Variants in SSBP2 observed in about 807,000 individuals in gnomAD.
The protein encoded by SSBP2 is single-stranded DNA-binding protein 2.
A neutral mutation model predicts 61.8 loss-of-function variants in SSBP2; 17 were observed. The ratio of observed to expected loss-of-function variants is 0.28; its 90% CI spans 0.19 to 0.41. The LOEUF (loss-of-function observed/expected upper bound fraction) is 0.41. Among genes scored for constraint, SSBP2 ranks in the 10% least tolerant of loss-of-function variants. The pLI, the probability that SSBP2 is intolerant of heterozygous loss-of-function variation, is 1.00. For synonymous variants in SSBP2, 139 were observed against 141.3 expected (o/e 0.98, Z 0.12); for missense variants, 310 against 458.7 (o/e 0.68, Z 2.96).
intron 4 of SSBP2, among the ~76,000 whole-genome samples, chr5:81,589,869 G>GAGAGCA (rs1309778998): frequency 2.6e-5 from 4 of 151,978 alleles, no homozygotes; most frequent in Non-Finnish European, 4.4e-5. Context: ...AAGAGGGTGA[G>GAGAGCA]AGAGGGAGAG....
At position 81,467,048 on chromosome 5, in the gene SSBP2, T is replaced by A; in HGVS notation, c.571-7A>T. 1.2e-6 allele frequency: 2 copies of A among 1,607,736 alleles called. No homozygotes were observed. The highest frequency in any genetic ancestry group is 1.7e-6 in the Non-Finnish European group (2 of 1,176,056). The stretch of plus-strand genomic sequence containing the variant: ...TCATTGCACCTCCATAGTTCTGTAA[T>A]GATAACCAAGGGTCAGACTACCACA... On this transcript the variant is annotated splice_polypyrimidine_tract_variant and splice_region_variant and intron_variant, in intron 8 of 16. Coordinates refer to ENST00000320672, the MANE Select transcript of SSBP2 (RefSeq NM_012446.5).
intron 5 of SSBP2, among the ~76,000 whole-genome samples, chr5:81,508,378 CAAGTA>C (rs1254334224): frequency 6.6e-6 from 1 of 152,200 alleles, no homozygotes; most frequent in East Asian, 1.9e-4. Context: ...AAACAGACTC[CAAGTA>C]AATAACTACA....
intron 6 of SSBP2, among the ~76,000 whole-genome samples, chr5:81,485,243 C>T (rs1259581873): frequency 1.3e-5 from 2 of 152,054 alleles, no homozygotes; most frequent in African/African-American, 2.4e-5. Flanking sequence ...TTTCATGTTT[C>T]GTCATATATA....
In SSBP2 at chr5:81,663,941, T is replaced by C. The variant is rs533069412; in HGVS notation, c.63-13602A>G. Among the ~76,000 whole-genome samples, 6 of 152,282 alleles carry C rather than the reference T, an allele frequency of 3.9e-5. No individual in the cohort carries two copies. In the East Asian group the frequency reaches 9.7e-4, roughly 25 times the overall value. ...AGGCATGCAAATTAATGCATCCCCA[T>C]TTGTAATTTTAAAATTCTTTGAGTT... is the stretch of plus-strand genomic sequence containing the variant. On this transcript the variant is annotated intron_variant, in intron 1 of 16. Coordinates refer to ENST00000320672, the MANE Select transcript of SSBP2 (RefSeq NM_012446.5).
intron 6 of SSBP2, among the ~76,000 whole-genome samples, chr5:81,475,455 T>C (rs1273287237): frequency 6.6e-6 from 1 of 152,124 alleles, no homozygotes; most frequent in Admixed American, 6.5e-5. Context: ...TCCCAAGTCA[T>C]TTTTGTAGTT....
At chr5:81,660,459 A>T (rs375948589) in intron 1 of SSBP2, among the ~76,000 whole-genome samples, 1 of 152,238 alleles carries the variant, frequency 6.6e-6, no homozygotes, top group Admixed American at 6.5e-5. Flanking sequence ...ACAATGAGAT[A>T]CCATCTCATA....
intron 4 of SSBP2, among the ~76,000 whole-genome samples, chr5:81,589,366 A>G (rs1308984026): frequency 1.3e-5 from 2 of 152,254 alleles, no homozygotes; most frequent in African/African-American, 4.8e-5. Flanking sequence ...AAGAGACTTT[A>G]AAACCAATAA....
rs533713051 is a variant in SSBP2, at chr5:81,638,584, AT to A, written c.136-1967del. ...TGCCTGGTAACTGTTAGGTGCTATT[AT>A]TTTTTTTTTCTTTTACCTAGGAGGG... On this transcript the variant is annotated intron_variant, in intron 2 of 16. Transcript: ENST00000320672. Among the ~76,000 whole-genome samples the A allele has an allele frequency of 3.8e-3, 564 of 148,656 alleles. 1 individual carries two copies. The highest frequency in any genetic ancestry group is 5.7e-3 in the South Asian group (27 of 4,702).
chr5:81,615,772 A>T (rs539419394), intron 3 of SSBP2, among the ~76,000 whole-genome samples: 2 of 152,074 alleles, frequency 1.3e-5, no homozygotes, highest in African/African-American at 2.4e-5. Context: ...AGACTTTTAT[A>T]AAAAAAAATT....
chr5:81,610,053 C>T (rs1467886275), intron 4 of SSBP2, among the ~76,000 whole-genome samples: 1 of 152,148 alleles, frequency 6.6e-6, no homozygotes, highest in Non-Finnish European at 1.5e-5. Context: ...GGATGCGGGA[C>T]AAGAACTCAA....
rs752561582 is a variant in SSBP2, at chr5:81,607,913, G to T, written c.282+7560C>A. ...GAAACAGTGAACAGCTTTGGGAAATGTACTGGGTTACAGAACATAACAGTT... is the reference window on the plus strand; with the variant it reads ...GAAACAGTGAACAGCTTTGGGAAATTTACTGGGTTACAGAACATAACAGTT... On this transcript the variant is annotated intron_variant, in intron 4 of 16. Coordinates refer to ENST00000320672, the MANE Select transcript of SSBP2 (RefSeq NM_012446.5). 2.6e-5 allele frequency among the ~76,000 whole-genome samples: 4 copies of T among 152,146 alleles called. No individual in the cohort carries two copies. The East Asian group carries it at 7.7e-4, about 29-fold the overall frequency.
intron 1 of SSBP2, among the ~76,000 whole-genome samples, chr5:81,701,149 G>C (rs1753957227): frequency 6.6e-6 from 1 of 152,092 alleles, no homozygotes; most frequent in Admixed American, 6.6e-5. Context: ...CCTTTCACTT[G>C]AACACTTAGA....
chr5:81,414,930 A>G lies in SSBP2; in HGVS notation c.*5574T>C, dbSNP rs1240113626. ...CAAACTTCATATTACTATTCCCAAC[A>G]CACACACACAGGTACACGCAACATA... On this transcript the variant is annotated 3_prime_UTR_variant, in exon 17 of 17. Transcript: ENST00000320672. 2.6e-5 allele frequency: 4 copies of G among 152,114 alleles called. No homozygotes were observed. The highest frequency in any genetic ancestry group is 5.9e-5 in the Non-Finnish European group (4 of 67,998). 9.4% of individuals were successfully genotyped at this position (152,114 alleles called of 1,614,324 possible). A position where few individuals can be genotyped will look rare whatever the true frequency, so the allele number is the denominator to read the frequency against.
chr5:81,537,590 T>A (rs1277697164), intron 4 of SSBP2, among the ~76,000 whole-genome samples: 4 of 152,184 alleles, frequency 2.6e-5, no homozygotes, highest in Non-Finnish European at 5.9e-5. Context: ...CAAGTCTCCA[T>A]TCATCATTTA....
chr5:81,496,186 CT>C (rs963017663), intron 5 of SSBP2, among the ~76,000 whole-genome samples: 15 of 147,694 alleles, frequency 1.0e-4, no homozygotes, highest in Admixed American at 2.7e-4. Flanking sequence ...AGTTTTAAAA[CT>C]TTTTTTTTTT....
chr5:81,453,998 G>T (rs1005436968), intron 10 of SSBP2, among the ~76,000 whole-genome samples: 1 of 152,144 alleles, frequency 6.6e-6, no homozygotes, highest in Non-Finnish European at 1.5e-5. Flanking sequence ...TTCAAAATAG[G>T]ACTTTCATGG....
At chr5:81,440,210 TAAC>T (rs149191777) in intron 14 of SSBP2, among the ~76,000 whole-genome samples, 18,586 of 150,380 alleles carry the variant, frequency 0.12, 2,453 homozygotes, top group African/African-American at 0.34. Context: ...ACAACAACAA[TAAC>T]AACAACAACA....
At chr5:81,666,066 G>A (rs948511594) in intron 1 of SSBP2, among the ~76,000 whole-genome samples, 3 of 152,150 alleles carry the variant, frequency 2.0e-5, no homozygotes, top group Non-Finnish European at 4.4e-5. Context: ...TGTTAAGGAG[G>A]TGTGAAAAAT....
At chr5:81,664,119 TTTTG>T (rs1183928327) in intron 1 of SSBP2, among the ~76,000 whole-genome samples, 3 of 123,778 alleles carry the variant, frequency 2.4e-5, no homozygotes, top group Non-Finnish European at 5.2e-5. Flanking sequence ...TTTTTTTGTT[TTTTG>T]TTTTTGTTTT....
Sources: allele counts gnomAD v4.1 joint callset (sites outside exome capture counted in the v4.1 genomes callset), GRCh38; gene constraint gnomAD v4.1.1; transcripts MANE v1.5; gene names NCBI Gene and HGNC (gene_info 2026-07-23, HGNC 2026-07-21).